Variants in PPP4R1 observed in about 807,000 individuals in gnomAD.
PPP4R1 encodes serine/threonine-protein phosphatase 4 regulatory subunit 1.
Under a neutral mutation model 111.2 loss-of-function variants are expected in PPP4R1, and 42 were observed. That is an observed-to-expected ratio of 0.38 (90% CI 0.29 to 0.49). The LOEUF is 0.49. PPP4R1 is among the 20% of genes least tolerant of loss of function. The pLI is 0.97. For synonymous variants in PPP4R1, 409 were observed against 405.5 expected (o/e 1.01, Z -0.10); for missense variants, 1,012 against 1,161.6 (o/e 0.87, Z 1.87).
At chr18:9,550,002 T>C (rs2144962702) in intron 18 of PPP4R1, 50 bp downstream of exon 18, 1 of 1,611,132 alleles carries the variant, frequency 6.2e-7, no homozygotes, top group Non-Finnish European at 8.5e-7. Flanking sequence ...AAAGAAGACA[T>C]TCTTCTAGGA....
intron 2 of PPP4R1, among the ~76,000 whole-genome samples, chr18:9,602,282 A>C (rs1403034877): frequency 6.7e-6 from 1 of 149,924 alleles, no homozygotes; most frequent in Non-Finnish European, 1.5e-5. Flanking sequence ...CTGTAATCCC[A>C]ACACTTTGGG....
intron 2 of PPP4R1, among the ~76,000 whole-genome samples, chr18:9,605,213 C>T (rs2067458318): frequency 6.6e-6 from 1 of 152,028 alleles, no homozygotes; most frequent in Admixed American, 6.6e-5. Context: ...AATGAGTTAC[C>T]TTATAAAGAT....
chr18:9,611,289 C>G lies in PPP4R1; in HGVS notation c.52+2937G>C, dbSNP rs1439204321. On this transcript the variant is annotated intron_variant, in intron 2 of 19. Transcript: ENST00000400556. The stretch of plus-strand genomic sequence containing the variant: ...TACTCTGGAGGTTGGGCTCCATACT[C>G]TGGAGTTTTACCATAGACAGAGAAA... Among the ~76,000 whole-genome samples, 8 of 152,270 alleles carry G rather than the reference C, an allele frequency of 5.3e-5. No individual in the cohort carries two copies. In the East Asian group the frequency reaches 5.8e-4, roughly 11 times the overall value.
chr18:9,605,684 G>A lies in PPP4R1; in HGVS notation c.52+8542C>T, dbSNP rs182803252. Among the ~76,000 whole-genome samples the A allele has an allele frequency of 4.3e-3, 659 of 151,672 alleles. 25 individuals are homozygous for A. Among genetic ancestry groups the A allele is most frequent in the Admixed American group, 0.038 (581 of 15,234 alleles). On this transcript the variant is annotated intron_variant, in intron 2 of 19. Coordinates refer to ENST00000400556, the MANE Select transcript of PPP4R1 (RefSeq NM_001042388.3). ...GTCAATTTCATGAATGCTAAAGGCT[G>A]AGAAATTGTTCCAAACTAGTAAGTT...
At chr18:9,591,687 A>G (rs181022931) in intron 4 of PPP4R1, among the ~76,000 whole-genome samples, 85 of 152,344 alleles carry the variant, frequency 5.6e-4, no homozygotes, top group Admixed American at 5.6e-3. Context: ...CCTCAGGGTC[A>G]AATCCTCTCT....
Position 9,588,751 on chromosome 18 carries a change from A to G in PPP4R1, c.398T>C (p.Leu133Pro), listed in dbSNP as rs1345938794. Residue 133 changes from leucine (L) to proline (P), a missense_variant, in exon 5 of 20, where the codon CTA becomes CCA. This residue lies in a region of PPP4R1 where 707 missense variants were observed against 742.1 expected (regional missense o/e 0.95). Transcript: ENST00000400556. Reference protein sequence around the residue: ...SIPYAFSKFLLPIVVRYLADQ... With the variant: ...SIPYAFSKFLPPIVVRYLADQ... ...TGCAAGGTATCTAACCACAATAGGT[A>G]GTAAGAATTTTGAAAAAGCATATGG... is the stretch of plus-strand genomic sequence containing the variant. The G allele has an allele frequency of 6.2e-7, 1 of 1,613,198 alleles. No individual in the cohort carries two copies. Among genetic ancestry groups the G allele is most frequent in the Non-Finnish European group, 8.5e-7 (1 of 1,179,146 alleles).
At chr18:9,573,409 A>T (rs1221227862) in intron 10 of PPP4R1, among the ~76,000 whole-genome samples, 1 of 152,252 alleles carries the variant, frequency 6.6e-6, no homozygotes, top group Non-Finnish European at 1.5e-5. Flanking sequence ...ATGGTAAAAC[A>T]GTATTTGGAA....
upstream of PPP4R1, chr18:9,615,065 C>T (rs1417275987): frequency 6.6e-6 from 1 of 152,284 alleles, no homozygotes; most frequent in African/African-American, 2.4e-5. Context: ...TCGTCGGGGC[C>T]GGGGTCCCAC....
intron 3 of PPP4R1, among the ~76,000 whole-genome samples, chr18:9,594,402 C>T (rs907743569): frequency 6.6e-6 from 1 of 151,940 alleles, no homozygotes; most frequent in Non-Finnish European, 1.5e-5. Context: ...TAATCTTTAT[C>T]TAACTGATTT....
intron 10 of PPP4R1, among the ~76,000 whole-genome samples, chr18:9,571,148 GAAAATAA>G (rs764102099): frequency 6.6e-6 from 1 of 152,030 alleles, no homozygotes; most frequent in Non-Finnish European, 1.5e-5. Context: ...ATTACACAAG[GAAAATAA>G]AATAAAAACA....
chr18:9,558,701 T>TTA (rs1568088966), intron 14 of PPP4R1, among the ~76,000 whole-genome samples: 1 of 151,530 alleles, frequency 6.6e-6, no homozygotes, highest in African/African-American at 2.4e-5. Context: ...ATCAGACTGT[T>TTA]TTTTTTTTTT....
chr18:9,593,741 G>C, intron 4 of PPP4R1, 27 bp downstream of exon 4: 2 of 1,585,610 alleles, frequency 1.3e-6, no homozygotes, highest in South Asian at 2.2e-5. Context: ...TTCTAGAATA[G>C]AGTAAATTCA....
intron 9 of PPP4R1, among the ~76,000 whole-genome samples, chr18:9,580,722 G>C (rs1446938725): frequency 6.6e-6 from 1 of 152,138 alleles, no homozygotes; most frequent in African/African-American, 2.4e-5. Flanking sequence ...AAGCACACTG[G>C]GGTCTGCTCT....
At chr18:9,612,248 T>C (rs905814859) in intron 2 of PPP4R1, among the ~76,000 whole-genome samples, 1 of 152,216 alleles carries the variant, frequency 6.6e-6, no homozygotes, top group Admixed American at 6.5e-5. Context: ...TAATATTTCT[T>C]ATGCCTACTT....
At chr18:9,564,628 C>A (rs2066730536) in intron 11 of PPP4R1, among the ~76,000 whole-genome samples, 2 of 151,476 alleles carry the variant, frequency 1.3e-5, no homozygotes, top group Admixed American at 1.3e-4. Context: ...CAAGCCAAAC[C>A]AAAACAGTAC....
chr18:9,552,418 C>A (rs2066503701), intron 16 of PPP4R1, among the ~76,000 whole-genome samples: 1 of 152,204 alleles, frequency 6.6e-6, no homozygotes, highest in African/African-American at 2.4e-5. Flanking sequence ...CCTTATCTGA[C>A]CACTATCCGA....
intron 11 of PPP4R1, among the ~76,000 whole-genome samples, chr18:9,568,961 G>A (rs975082243): frequency 1.3e-5 from 2 of 152,064 alleles, no homozygotes; most frequent in African/African-American, 4.8e-5. Flanking sequence ...CTTGAACCCA[G>A]GAGGCAGTGG....
Position 9,583,202 on chromosome 18 carries a change from G to T in PPP4R1, c.833C>A (p.Ala278Glu), listed in dbSNP as rs182385365. ...VRKACAECFM[A>E]VSCATCQEIR... ...TTCTTGACATGTTGCACATGAAACC[G>T]CCATGAAGCATTCAGCACAAGCCTT... The change falls in exon 9 of 20, where the codon GCG becomes GAG. Residue 278 changes from alanine (A) to glutamate (E), a missense_variant. Transcript: ENST00000400556. 1.2e-6 allele frequency: 2 copies of T among 1,611,022 alleles called. No individual in the cohort carries two copies. Among genetic ancestry groups the T allele is most frequent in the South Asian group, 2.2e-5 (2 of 90,810 alleles).
At chr18:9,560,214 G>A (rs1325871150) in intron 13 of PPP4R1, among the ~76,000 whole-genome samples, 1 of 152,154 alleles carries the variant, frequency 6.6e-6, no homozygotes, top group Non-Finnish European at 1.5e-5. Flanking sequence ...CAGGGAGGTG[G>A]AAGCTGCAGT....
Sources: allele counts gnomAD v4.1 joint callset (sites outside exome capture counted in the v4.1 genomes callset), GRCh38; gene constraint gnomAD v4.1.1; regional missense constraint gnomAD v4.1.1; transcripts MANE v1.5; gene names NCBI Gene and HGNC (gene_info 2026-07-23, HGNC 2026-07-21).